The following TMEM63C variants were observed in gnomAD, a reference collection of about 807,000 sequenced individuals.
The protein encoded by TMEM63C is transmembrane protein 63C.
A neutral mutation model predicts 99.2 loss-of-function variants in TMEM63C; 32 were observed. That is an observed-to-expected ratio of 0.32 (90% CI 0.24 to 0.43). The LOEUF is 0.43. TMEM63C is among the 20% of genes least tolerant of loss of function. TMEM63C has a pLI of 1.00. For synonymous variants in TMEM63C, 376 were observed against 397.9 expected (o/e 0.94, Z 0.66); for missense variants, 826 against 1,053.0 (o/e 0.78, Z 2.98).
Position 77,249,394 on chromosome 14 carries a change from C to G in TMEM63C, c.1974C>G (p.Ser658=), listed in dbSNP as rs1380596127. 6.2e-7 allele frequency: 1 copy of G among 1,613,936 alleles called. No individual in the cohort carries two copies. Among genetic ancestry groups the G allele is most frequent in the Non-Finnish European group, 8.5e-7 (1 of 1,179,914 alleles). Residue 658 remains serine (S), a synonymous_variant, in exon 21 of 24, where the codon TCC becomes TCG. Coordinates refer to ENST00000298351, the MANE Select transcript of TMEM63C (RefSeq NM_020431.4). ...AGCAGATCCACATGGCTGCCGTCTCCCAGGCCATCTTTGCGCCACTCTTGG... is the reference window on the plus strand; with the variant it reads ...AGCAGATCCACATGGCTGCCGTCTCGCAGGCCATCTTTGCGCCACTCTTGG... The part of the protein sequence containing the change: ...LNEQIHMAAV[S]QAIFAPLLGL...
chr14:77,249,000 G>A, intron 20 of TMEM63C, 128 bp downstream of exon 20: 1 of 924,828 alleles, frequency 1.1e-6, no homozygotes, highest in Non-Finnish European at 1.7e-6. Context: ...TCAGGGCCAG[G>A]GCCAAGCTGG....
At position 77,244,343 on chromosome 14, in the gene TMEM63C, C is replaced by G. The variant is rs200799359; in HGVS notation, c.1342-6C>G. The G allele has an allele frequency of 1.2e-6, 2 of 1,611,466 alleles. No homozygotes were observed. The highest frequency in any genetic ancestry group is 2.7e-5 in the African/African-American group (2 of 74,996). ...TCTCCTGCCGTCCTCCCCTCTCCCCCTGCAGAACCCAATTGTGACCCAGTT... is the reference window on the plus strand; with the variant it reads ...TCTCCTGCCGTCCTCCCCTCTCCCCGTGCAGAACCCAATTGTGACCCAGTT... On this transcript the variant is annotated splice_region_variant and splice_polypyrimidine_tract_variant and intron_variant, in intron 15 of 23. Transcript: ENST00000298351.
intron 6 of TMEM63C, among the ~76,000 whole-genome samples, chr14:77,229,613 A>AATATATATATATATATATATAT (rs149146698): frequency 0.023 from 2,707 of 117,318 alleles, 97 homozygotes; most frequent in Non-Finnish European, 0.035. Flanking sequence ...ACACCCAGCT[A>AATATATATATATATATATATAT]ATATATATAT....
At chr14:77,231,430 A>G (rs1306207483) in intron 6 of TMEM63C, among the ~76,000 whole-genome samples, 158 bp from the exon 7 acceptor site, 1 of 151,682 alleles carries the variant, frequency 6.6e-6, no homozygotes, top group Non-Finnish European at 1.5e-5. Context: ...ATATAGGGCA[A>G]TTTCGAAGTT....
chr14:77,236,546 G>A (rs1187510559), intron 8 of TMEM63C, 78 bp from the exon 9 acceptor site: 2 of 1,012,530 alleles, frequency 2.0e-6, no homozygotes, highest in East Asian at 2.4e-5. Context: ...AGGGTAGGAG[G>A]AGGCCCAGGG....
At chr14:77,199,757 G>A (rs1329574215) in intron 1 of TMEM63C, among the ~76,000 whole-genome samples, 1 of 152,122 alleles carries the variant, frequency 6.6e-6, no homozygotes, top group African/African-American at 2.4e-5. Context: ...GGCAGGGCCT[G>A]GACTCCTTCA....
At chr14:77,203,097 G>A (rs926146568) in intron 1 of TMEM63C, among the ~76,000 whole-genome samples, 5 of 152,184 alleles carry the variant, frequency 3.3e-5, no homozygotes, top group Admixed American at 3.3e-4. Context: ...CAATAAAGAC[G>A]CTGGGCGTGG....
rs1364394277 is a variant in TMEM63C at position 77,231,576 on chromosome 14, T to G, written c.351-12T>G. 5 of 1,551,562 alleles carry G rather than the reference T, an allele frequency of 3.2e-6. No homozygotes were observed. In the South Asian group the frequency reaches 3.6e-5, roughly 11 times the overall value. On this transcript the variant is annotated splice_polypyrimidine_tract_variant and intron_variant, in intron 6 of 23. Coordinates refer to ENST00000298351, the MANE Select transcript of TMEM63C (RefSeq NM_020431.4). ...CTCCTGAGGCACGTCCTTGTCTGTG[T>G]GTCTCTTCCAGGGACGAGGATCTGA...
intron 11 of TMEM63C, 52 bp downstream of exon 11, chr14:77,239,544 G>T (rs1167336704): frequency 6.2e-7 from 1 of 1,611,940 alleles, no homozygotes; most frequent in Non-Finnish European, 8.5e-7. Flanking sequence ...AAAAGGGGAG[G>T]ATGGGGCTCT....
At chr14:77,250,727 C>T (rs964557463) in intron 21 of TMEM63C, among the ~76,000 whole-genome samples, 1 of 152,158 alleles carries the variant, frequency 6.6e-6, no homozygotes, top group African/African-American at 2.4e-5. Context: ...GGCATCCATA[C>T]GGTCGACTCT....
At chr14:77,249,184 G>A in intron 20 of TMEM63C, 107 bp from the exon 21 acceptor site, 4 of 1,224,440 alleles carry the variant, frequency 3.3e-6, no homozygotes, top group Non-Finnish European at 4.7e-6. Flanking sequence ...TGGTTGTTGT[G>A]ACTCTGACAG....
In TMEM63C at chr14:77,219,586, G is replaced by T; in HGVS notation, c.230+9G>T. The T allele has an allele frequency of 6.2e-7, 1 of 1,613,730 alleles. No homozygotes were observed. Among genetic ancestry groups the T allele is most frequent in the Middle Eastern group, 1.7e-4 (1 of 6,058 alleles). ...CTGATACACAATGACAGGTGAGGAGGGGTCGAGATGGGTGAGCCGTTGCCC... is the reference window on the plus strand; with the variant it reads ...CTGATACACAATGACAGGTGAGGAGTGGTCGAGATGGGTGAGCCGTTGCCC... On this transcript the variant is annotated intron_variant, in intron 4 of 23. Coordinates refer to ENST00000298351, the MANE Select transcript of TMEM63C (RefSeq NM_020431.4).
chr14:77,224,223 G>A (rs1320170481), intron 5 of TMEM63C, among the ~76,000 whole-genome samples: 2 of 151,948 alleles, frequency 1.3e-5, no homozygotes, highest in Non-Finnish European at 1.5e-5. Context: ...TTTCTTTTGT[G>A]CCTTCTCAAA....
intron 1 of TMEM63C, among the ~76,000 whole-genome samples, chr14:77,199,663 T>A (rs959536868): frequency 2.0e-5 from 3 of 152,192 alleles, no homozygotes; most frequent in Non-Finnish European, 4.4e-5. Context: ...GCTTGTTCCC[T>A]TCTCAGTGTG....
At chr14:77,201,656 A>C (rs922339966) in intron 1 of TMEM63C, among the ~76,000 whole-genome samples, 1 of 152,184 alleles carries the variant, frequency 6.6e-6, no homozygotes, top group East Asian at 1.9e-4. Flanking sequence ...GGGCCCAGCG[A>C]TCTGTGATGT....
intron 1 of TMEM63C, among the ~76,000 whole-genome samples, chr14:77,206,218 T>C (rs1888396482): frequency 6.6e-6 from 1 of 150,528 alleles, no homozygotes; most frequent in Admixed American, 6.6e-5. Flanking sequence ...CACTGATCCA[T>C]TGAGGGGGTG....
At chr14:77,208,598 G>A (rs983000275) in intron 1 of TMEM63C, among the ~76,000 whole-genome samples, 3 of 152,188 alleles carry the variant, frequency 2.0e-5, no homozygotes, top group Non-Finnish European at 2.9e-5. Context: ...AGGGAGTGTT[G>A]GAAATGTACC....
intron 13 of TMEM63C, among the ~76,000 whole-genome samples, chr14:77,241,897 C>T (rs556563276): frequency 6.6e-6 from 1 of 152,292 alleles, no homozygotes; most frequent in East Asian, 1.9e-4. Context: ...TCTCTAGGCA[C>T]CTCGATTTAG....
rs1238847964 is a variant in TMEM63C at position 77,248,760 on chromosome 14, G to A, written c.1765-7G>A. 3 of 1,613,610 alleles carry A rather than the reference G, an allele frequency of 1.9e-6. No individual in the cohort carries two copies. The highest frequency in any genetic ancestry group is 1.7e-5 in the Admixed American group (1 of 60,014). ...CACCTCAGGGTGACACCTGCCTTCT[G>A]CCCCAGAACCAGGCCATAGACTTCC... On this transcript the variant is annotated splice_region_variant and splice_polypyrimidine_tract_variant and intron_variant, in intron 19 of 23. Transcript: ENST00000298351.
Sources: gnomAD v4.1 joint callset for allele counts (sites outside exome capture counted in the v4.1 genomes callset) on GRCh38, gnomAD v4.1.1 for gene constraint, MANE v1.5 for transcripts, NCBI Gene and HGNC (gene_info 2026-07-23, HGNC 2026-07-21) for gene names.